Variants in POLR2E observed in about 807,000 individuals in gnomAD.
POLR2E encodes the protein RNA polymerase II, I and III subunit E.
POLR2E carries 35 observed loss-of-function variants against 29.8 expected under a neutral mutation model. The ratio of observed to expected loss-of-function variants is 1.17; its 90% confidence interval spans 0.90 to 1.55. The LOEUF is 1.55. Ranked by LOEUF, POLR2E falls within the 40% of genes most tolerant of loss-of-function variation. POLR2E has a pLI of 0.00. For synonymous variants in POLR2E, 174 were observed against 112.6 expected, an observed-to-expected ratio of 1.55 and a Z score of -3.45; for missense variants, 287 against 288.6, an observed-to-expected ratio of 0.99 and a Z score of 0.04.
At position 1,090,460 on chromosome 19, in the gene POLR2E, A is replaced by ATTTTT. The variant is rs58876047; in HGVS notation, c.430-320_430-316dup. On this transcript the variant is annotated intron_variant, in intron 4 of 7. Coordinates refer to ENST00000615234, the MANE Select transcript of POLR2E (RefSeq NM_002695.5). ...AGGCTGGGGTGGGCCCGGGATCTGC[A>ATTTTT]TTTTTTTTTTTTTTTTTTTTTTTGA... Among the ~76,000 whole-genome samples the ATTTTT allele has an allele frequency of 3.2e-3, 291 of 90,418 alleles. 7 individuals carry two copies. The highest frequency in any genetic ancestry group is 4.8e-3 in the Non-Finnish European group (224 of 47,054). 59.3% of individuals were successfully genotyped at this position (90,418 alleles called of 152,430 possible). A position where few individuals can be genotyped will look rare whatever the true frequency, so the allele number is the denominator to read the frequency against.
chr19:1,090,985 G>C lies in POLR2E; in HGVS notation c.352C>G (p.Leu118Val). The C allele has an allele frequency of 6.2e-7, 1 of 1,613,592 alleles. No homozygotes were observed. The stretch of plus-strand genomic sequence containing the variant: ...ATGTACTTGGGGGCCATGTCGACCA[G>C]GGACTGGAAGAGAGCGGCTCTAAGG... ...QGMTPSAKQS[L>V]VDMAPKYILE... The change falls in exon 4 of 8, where the codon CTG becomes GTG. Residue 118 changes from leucine (L) to valine (V), a missense_variant. Coordinates refer to ENST00000615234, the MANE Select transcript of POLR2E (RefSeq NM_002695.5).
In POLR2E at chr19:1,090,035, G is replaced by A. The variant is rs372505968; in HGVS notation, c.488+52C>T. The stretch of plus-strand genomic sequence containing the variant: ...AGGGGTGTGTGTGGGGGGGGAACGC[G>A]GAAGTCTCGAGGGACAGGGAGGGGC... On this transcript the variant is annotated intron_variant, in intron 5 of 7. Coordinates refer to ENST00000615234, the MANE Select transcript of POLR2E (RefSeq NM_002695.5). The A allele has an allele frequency of 4.1e-4, 641 of 1,561,498 alleles. 3 individuals are homozygous for A. The South Asian group carries it at 4.2e-3, about 10-fold the overall frequency.
chr19:1,090,044 G>A (rs776346589), intron 5 of POLR2E, 43 bp downstream of exon 5: 7 of 1,573,494 alleles, frequency 4.4e-6, no homozygotes, highest in Non-Finnish European at 6.1e-6. Context: ...CGGAAGTCTC[G>A]AGGGACAGGG....
At position 1,087,599 on chromosome 19, in the gene POLR2E, T is replaced by C. The variant is rs1181009437; in HGVS notation, c.*1136A>G. Reference sequence around the variant, plus strand: ...CATCCTACTTCCAGTCTCTGACGACTCTAGTGACCTCCTAGGAGTGACATC... The same window carrying C: ...CATCCTACTTCCAGTCTCTGACGACCCTAGTGACCTCCTAGGAGTGACATC... On this transcript the variant is annotated 3_prime_UTR_variant, in exon 8 of 8. Coordinates refer to ENST00000615234, the MANE Select transcript of POLR2E (RefSeq NM_002695.5). 1.3e-5 allele frequency: 2 copies of C among 150,356 alleles called. No homozygotes were observed. Among genetic ancestry groups the C allele is most frequent in the Non-Finnish European group, 3.0e-5 (2 of 67,630 alleles). 9.3% of individuals were successfully genotyped at this position (150,356 alleles called of 1,614,324 possible).
intron 2 of POLR2E, among the ~76,000 whole-genome samples, chr19:1,093,340 A>G (rs1324802557): frequency 6.6e-6 from 1 of 152,242 alleles, no homozygotes; most frequent in African/African-American, 2.4e-5. Context: ...TTAGAGCCAT[A>G]CTAGGGAGGC....
chr19:1,093,767 G>A (rs2043887681), intron 2 of POLR2E, 137 bp downstream of exon 2: 9 of 1,416,478 alleles, frequency 6.4e-6, no homozygotes, highest in South Asian at 1.6e-5. Context: ...GCAAGGAAGG[G>A]GAGGGGAGTT....
intron 2 of POLR2E, 117 bp downstream of exon 2, chr19:1,093,787 G>C (rs2145148536): frequency 7.0e-7 from 1 of 1,424,966 alleles, no homozygotes; most frequent in East Asian, 2.7e-5. Context: ...TTTCCTCCCA[G>C]ACTGGGCAGA....
In POLR2E at chr19:1,089,490, T is replaced by C. The variant is rs760824411; in HGVS notation, c.629A>G (p.Gln210Arg). 1.2e-6 allele frequency: 2 copies of C among 1,612,706 alleles called. No homozygotes were observed. The highest frequency in any genetic ancestry group is 1.1e-5 in the South Asian group (1 of 91,044). The change falls in exon 7 of 8, where the codon CAG (glutamine) becomes CGG (arginine). Residue 210 changes from glutamine to arginine, a missense_variant. Gln to Arg is a conservative substitution (Grantham distance 43). Coordinates refer to ENST00000615234, the MANE Select transcript of POLR2E (RefSeq NM_002695.5). ...GTCTCACCTGTCAGGCGGTAGCTACTGCACCAGCCGGTAGGTGATGTACCT... is the reference window on the plus strand; with the variant it reads ...GTCTCACCTGTCAGGCGGTAGCTACCGCACCAGCCGGTAGGTGATGTACCT... ...AGRYITYRLV[Q>R]
intron 2 of POLR2E, among the ~76,000 whole-genome samples, chr19:1,092,682 T>C (rs1268385221): frequency 1.3e-5 from 2 of 151,202 alleles, no homozygotes; most frequent in Admixed American, 6.6e-5. Context: ...AGCAAGACTC[T>C]GTCTCAAAAA....
chr19:1,090,770 C>T, intron 4 of POLR2E, 138 bp downstream of exon 4: 1 of 726,048 alleles, frequency 1.4e-6, no homozygotes, highest in Non-Finnish European at 2.2e-6. Flanking sequence ...GGCCCAGGGC[C>T]ACCCTTTGAG....
Position 1,090,962 on chromosome 19 carries a change from G to A in POLR2E, c.375C>T (p.Tyr125=), listed in dbSNP as rs762036183. The part of the protein sequence containing the change: ...KQSLVDMAPK[Y]ILEQFLQQEL... ...CCTGCTGCAGAAACTGCTCCAGGAT[G>A]TACTTGGGGGCCATGTCGACCAGGG... is the stretch of plus-strand genomic sequence containing the variant. Residue 125 remains tyrosine, a synonymous_variant, in exon 4 of 8, where the codon TAC becomes TAT. Coordinates refer to ENST00000615234, the MANE Select transcript of POLR2E (RefSeq NM_002695.5). 21 of 1,613,698 alleles carry A rather than the reference G, an allele frequency of 1.3e-5. No individual in the cohort carries two copies. Among genetic ancestry groups the A allele is most frequent in the Middle Eastern group, 3.3e-4 (2 of 6,060 alleles).
At chr19:1,094,381 C>T in intron 1 of POLR2E, 1 of 382,308 alleles carries the variant, frequency 2.6e-6, no homozygotes, top group Non-Finnish European at 4.7e-6. Flanking sequence ...CAGAGCTACC[C>T]TAAAGGCAGG....
rs372837141 is a variant in POLR2E, at chr19:1,095,307, G to C, written c.9C>G (p.Asp3Glu). The C allele has an allele frequency of 6.8e-6, 11 of 1,612,878 alleles. No homozygotes were observed. Among genetic ancestry groups the C allele is most frequent in the Non-Finnish European group, 4.2e-6 (5 of 1,179,746 alleles). Residue 3 changes from aspartate (D) to glutamate (E), a missense_variant, in exon 1 of 8, where the codon GAC (aspartate) becomes GAG (glutamate). By Grantham distance (45) the Asp-to-Glu change is conservative. Coordinates refer to ENST00000615234, the MANE Select transcript of POLR2E (RefSeq NM_002695.5). ...TCCAGAGCCGGTACGTCTCCTCCTC[G>C]TCGTCCATGGCAGCCTCCGCCGCCG... Reference protein sequence around the residue: MDDEEETYRLWKI... With the variant: MDEEEETYRLWKI...
chr19:1,092,125 G>A (rs2043846252), intron 2 of POLR2E, among the ~76,000 whole-genome samples: 1 of 152,160 alleles, frequency 6.6e-6, no homozygotes, highest in Non-Finnish European at 1.5e-5. Flanking sequence ...ACAGGGACAG[G>A]GGGCTGACAC....
chr19:1,092,529 G>A (rs987881923), intron 2 of POLR2E, among the ~76,000 whole-genome samples: 11 of 151,564 alleles, frequency 7.3e-5, no homozygotes, highest in South Asian at 2.1e-4. Context: ...GTGAAATCCC[G>A]TTTCTACTAA....
chr19:1,090,064 G>T, intron 5 of POLR2E, 23 bp downstream of exon 5: 1 of 1,606,968 alleles, frequency 6.2e-7, no homozygotes, highest in Non-Finnish European at 8.5e-7. Context: ...GAGGGGCGGG[G>T]CCGGTGGGGC....
intron 2 of POLR2E, among the ~76,000 whole-genome samples, chr19:1,093,280 C>T (rs772912982): frequency 1.2e-4 from 18 of 152,364 alleles, no homozygotes; most frequent in Admixed American, 6.5e-4. Flanking sequence ...TAATTCTGGG[C>T]GTGGGGCTGC....
rs777352628 is a variant in POLR2E, at chr19:1,094,078, G to A, written c.58C>T (p.Leu20=). 5 of 1,605,308 alleles carry A rather than the reference G, an allele frequency of 3.1e-6. No individual in the cohort carries two copies. The East Asian group carries it at 1.1e-4, about 36-fold the overall frequency. Residue 20 remains leucine (L), a splice_region_variant and synonymous_variant, in exon 2 of 8, where the codon CTG becomes TTG. Transcript: ENST00000615234. Reference sequence around the variant, plus strand: ...ACCAGATAGCCACGGTCGTGGCACAGCTGCAGAGAGAAAGAACCAGCTGAC... The same window carrying A: ...ACCAGATAGCCACGGTCGTGGCACAACTGCAGAGAGAAAGAACCAGCTGAC... ...LWKIRKTIMQ[L]CHDRGYLVTQ... is the part of the protein sequence containing the mutation.
rs1414205387 is a variant in POLR2E at position 1,087,712 on chromosome 19, TC to T, written c.*1022del. On this transcript the variant is annotated 3_prime_UTR_variant, in exon 8 of 8. Transcript: ENST00000615234. ...GAGAGAAGGGGAAGCACTGTCCCCATCACACACACAGTCCGCGGCCTGGGGA... is the reference window on the plus strand; with the variant it reads ...GAGAGAAGGGGAAGCACTGTCCCCATACACACACAGTCCGCGGCCTGGGGA... The T allele has an allele frequency of 6.6e-6, 1 of 152,248 alleles. No individual in the cohort carries two copies. Among genetic ancestry groups the T allele is most frequent in the African/African-American group, 2.4e-5 (1 of 41,402 alleles). 9.4% of individuals were successfully genotyped at this position (152,248 alleles called of 1,614,324 possible).
Sources: allele counts gnomAD v4.1 joint callset (sites outside exome capture counted in the v4.1 genomes callset), GRCh38; gene constraint gnomAD v4.1.1; transcripts MANE v1.5; gene names NCBI Gene and HGNC (gene_info 2026-07-23, HGNC 2026-07-21).